Variants in ARMH3 observed in about 807,000 individuals in gnomAD.
The protein encoded by ARMH3 is armadillo like helical domain containing 3, also known as armadillo-like helical domain-containing protein 3.
A neutral mutation model predicts 99.1 loss-of-function variants in ARMH3; 60 were observed. That is an observed-to-expected ratio of 0.61 (90% CI 0.49 to 0.75). ARMH3 has a LOEUF of 0.75. Ranked by LOEUF, ARMH3 falls within the 30% of genes least tolerant of loss-of-function variation. The pLI is 0.00. For missense variants in ARMH3, 679 were observed against 843.1 expected (o/e 0.81, Z 2.41); for synonymous variants, 285 against 292.8 (o/e 0.97, Z 0.27).
intron 23 of ARMH3, among the ~76,000 whole-genome samples, chr10:101,926,115 C>T (rs1017266012): frequency 6.6e-6 from 1 of 152,192 alleles, no homozygotes; most frequent in Non-Finnish European, 1.5e-5. Context: ...CCTGCAGGGG[C>T]AAGGCCCAAT....
intron 1 of ARMH3, among the ~76,000 whole-genome samples, chr10:102,046,562 GA>G (rs1439957272): frequency 6.6e-6 from 1 of 152,242 alleles, no homozygotes; most frequent in South Asian, 2.1e-4. Flanking sequence ...TGAGACAGAA[GA>G]ATCGCTTGAA....
At chr10:102,052,310 AC>A (rs2067727342) in intron 1 of ARMH3, among the ~76,000 whole-genome samples, 1 of 151,884 alleles carries the variant, frequency 6.6e-6, no homozygotes, top group African/African-American at 2.4e-5. Flanking sequence ...TGCAGCCTCA[AC>A]CTCCTGGGCT....
intron 23 of ARMH3, among the ~76,000 whole-genome samples, chr10:101,890,584 A>T (rs917299509): frequency 6.6e-6 from 1 of 152,216 alleles, no homozygotes; most frequent in African/African-American, 2.4e-5. Flanking sequence ...ATATATGTAG[A>T]TACTTCTCCC....
chr10:101,956,306 C>T (rs1845034365), intron 22 of ARMH3, among the ~76,000 whole-genome samples: 1 of 152,112 alleles, frequency 6.6e-6, no homozygotes. Flanking sequence ...ACTCTTTCAC[C>T]TCCTTCTCTC....
chr10:102,046,351 A>AAAAAC (rs2067552528), intron 1 of ARMH3, among the ~76,000 whole-genome samples: 1 of 151,822 alleles, frequency 6.6e-6, no homozygotes, highest in Non-Finnish European at 1.5e-5. Context: ...AGAAAAAAAA[A>AAAAAC]AGAAAAAGAA....
chr10:101,984,770 A>T (rs1444532940), intron 19 of ARMH3, among the ~76,000 whole-genome samples: 1 of 151,426 alleles, frequency 6.6e-6, no homozygotes, highest in Non-Finnish European at 1.5e-5. Context: ...TGGCCTTAAA[A>T]ATATATATAT....
At chr10:101,854,163 G>A (rs564364338) in intron 24 of ARMH3, among the ~76,000 whole-genome samples, 33 of 152,154 alleles carry the variant, frequency 2.2e-4, no homozygotes, top group Non-Finnish European at 3.1e-4. Context: ...TCTTGTTATG[G>A]GACTTCAGAC....
intron 24 of ARMH3, among the ~76,000 whole-genome samples, chr10:101,862,781 G>A (rs1385778299): frequency 6.6e-6 from 1 of 152,022 alleles, no homozygotes; most frequent in East Asian, 1.9e-4. Context: ...GGAAAAACGG[G>A]GGAAAGCAAG....
chr10:102,054,496 C>T (rs927609308), intron 1 of ARMH3, among the ~76,000 whole-genome samples: 1 of 152,082 alleles, frequency 6.6e-6, no homozygotes, highest in African/African-American at 2.4e-5. Flanking sequence ...CCTTTACAGT[C>T]GTAACAAGAG....
intron 22 of ARMH3, among the ~76,000 whole-genome samples, chr10:101,954,278 G>A (rs1335399119): frequency 1.3e-5 from 2 of 152,114 alleles, no homozygotes; most frequent in East Asian, 3.8e-4. Context: ...GCTAAAAACT[G>A]GAAACCTTCC....
intron 24 of ARMH3, among the ~76,000 whole-genome samples, chr10:101,880,608 G>A (rs762972264): frequency 3.3e-5 from 5 of 152,016 alleles, no homozygotes; most frequent in African/African-American, 9.7e-5. Context: ...CATTCACACC[G>A]AACACTACCA....
chr10:102,009,499 A>C (rs1300038374), intron 12 of ARMH3, 50 bp from the exon 13 acceptor site: 1 of 1,424,456 alleles, frequency 7.0e-7, no homozygotes, highest in Non-Finnish European at 9.9e-7. Flanking sequence ...GGGGGGAGTT[A>C]AAACAGTATA....
At chr10:101,977,682 T>C (rs767350206) in intron 19 of ARMH3, among the ~76,000 whole-genome samples, 5 of 152,234 alleles carry the variant, frequency 3.3e-5, no homozygotes, top group African/African-American at 4.8e-5. Flanking sequence ...CCCTCAGGAA[T>C]AGATTAATCC....
intron 24 of ARMH3, among the ~76,000 whole-genome samples, chr10:101,850,573 T>C (rs2066576157): frequency 6.6e-6 from 1 of 151,872 alleles, no homozygotes; most frequent in African/African-American, 2.4e-5. Context: ...TACAGGTGTG[T>C]GCCATCATGC....
chr10:102,053,722 C>A (rs879339877), intron 1 of ARMH3, among the ~76,000 whole-genome samples: 1 of 151,382 alleles, frequency 6.6e-6, no homozygotes, highest in Non-Finnish European at 1.5e-5. Context: ...TGCAGTGGCA[C>A]CATCCCGGCT....
intron 23 of ARMH3, among the ~76,000 whole-genome samples, chr10:101,898,669 A>G (rs910501517): frequency 6.6e-6 from 1 of 152,230 alleles, no homozygotes; most frequent in Non-Finnish European, 1.5e-5. Flanking sequence ...TAACTGTTAT[A>G]CTCAATACGC....
intron 8 of ARMH3, among the ~76,000 whole-genome samples, chr10:102,020,629 T>C (rs1328356711): frequency 7.0e-6 from 1 of 143,342 alleles, no homozygotes; most frequent in Non-Finnish European, 1.5e-5. Flanking sequence ...GAGCTTGCAG[T>C]GACCCGAGAT....
intron 1 of ARMH3, among the ~76,000 whole-genome samples, chr10:102,053,615 CCT>C (rs1491459686): frequency 1.3e-5 from 2 of 152,084 alleles, no homozygotes; most frequent in African/African-American, 2.4e-5. Flanking sequence ...CAAAGATTTC[CCT>C]GACTCTCCCA....
intron 4 of ARMH3, among the ~76,000 whole-genome samples, chr10:102,031,032 C>G (rs1296678291): frequency 6.6e-6 from 1 of 152,122 alleles, no homozygotes; most frequent in African/African-American, 2.4e-5. Flanking sequence ...GATCTGCCCC[C>G]CTCAGCCTCC....
Sources: allele counts gnomAD v4.1 joint callset (sites outside exome capture counted in the v4.1 genomes callset), GRCh38; gene constraint gnomAD v4.1.1; transcripts MANE v1.5; gene names NCBI Gene and HGNC (gene_info 2026-07-23, HGNC 2026-07-21).